Variants in PLXDC2 observed in about 807,000 individuals in gnomAD.
PLXDC2 encodes the protein plexin domain-containing protein 2.
A neutral mutation model predicts 68.9 loss-of-function variants in PLXDC2; 40 were observed. The observed-to-expected ratio is 0.58, with a 90% confidence interval of 0.45 to 0.76. The LOEUF (loss-of-function observed/expected upper bound fraction) is 0.76. Among genes scored for constraint, PLXDC2 ranks in the 30% least tolerant of loss-of-function variants. The pLI is 0.00. For synonymous variants in PLXDC2, 243 were observed against 234.2 expected (o/e 1.04, Z -0.34); for missense variants, 644 against 661.9 (o/e 0.97, Z 0.30).
At chr10:19,982,551 A>G (rs1834569100) in intron 1 of PLXDC2, among the ~76,000 whole-genome samples, 1 of 152,302 alleles carries the variant, frequency 6.6e-6, no homozygotes, top group Admixed American at 6.5e-5. Context: ...TAATTAACAT[A>G]TATGTTTTTA....
At chr10:19,858,704 T>C (rs1395871563) in intron 1 of PLXDC2, among the ~76,000 whole-genome samples, 3 of 151,902 alleles carry the variant, frequency 2.0e-5, no homozygotes, top group African/African-American at 2.4e-5. Context: ...GGATAGTGAG[T>C]ATTTGCATTG....
In PLXDC2 at chr10:19,987,862, C is replaced by G. The variant is rs1834675407; in HGVS notation, c.113-13913C>G. Among the ~76,000 whole-genome samples, 5 of 152,244 alleles carry G rather than the reference C, an allele frequency of 3.3e-5. No individual in the cohort carries two copies. In the South Asian group the frequency reaches 1.0e-3, roughly 32 times the overall value. ...GGATTACAGGCGTGAGCTACCGCGC[C>G]CAGCCGATGTTATTTGTTTTTATTT... On this transcript the variant is annotated intron_variant, in intron 1 of 13. Coordinates refer to ENST00000377252, the MANE Select transcript of PLXDC2 (RefSeq NM_032812.9).
At chr10:20,056,900 C>G (rs916718605) in intron 3 of PLXDC2, among the ~76,000 whole-genome samples, 5 of 152,086 alleles carry the variant, frequency 3.3e-5, no homozygotes, top group African/African-American at 1.2e-4. Context: ...ACGAGTGAGG[C>G]AAACATTTTA....
In PLXDC2 at chr10:19,870,219, G is replaced by A. The variant is rs115979908; in HGVS notation, c.112+53028G>A. Among the ~76,000 whole-genome samples, 1,425 of 152,258 alleles carry A rather than the reference G, an allele frequency of 9.4e-3. 31 individuals carry two copies. Among genetic ancestry groups the A allele is most frequent in the African/African-American group, 0.032 (1,327 of 41,556 alleles). ...AAATTAAGTAAAGATAGACAGGGAG[G>A]AGGAGAAATGCACATCAAAGGGAAA... On this transcript the variant is annotated intron_variant, in intron 1 of 13. Transcript: ENST00000377252.
At chr10:20,104,638 T>C (rs763003189) in intron 4 of PLXDC2, among the ~76,000 whole-genome samples, 1 of 152,208 alleles carries the variant, frequency 6.6e-6, no homozygotes, top group Admixed American at 6.5e-5. Flanking sequence ...TATATAAATA[T>C]TGTTGGCACG....
intron 10 of PLXDC2, among the ~76,000 whole-genome samples, chr10:20,212,104 G>A (rs993062026): frequency 6.6e-6 from 1 of 151,890 alleles, no homozygotes; most frequent in Non-Finnish European, 1.5e-5. Context: ...TGTGGGGAGG[G>A]GTGAAGTGTG....
intron 9 of PLXDC2, among the ~76,000 whole-genome samples, chr10:20,196,591 C>G (rs896251697): frequency 6.6e-6 from 1 of 152,094 alleles, no homozygotes; most frequent in South Asian, 2.1e-4. Context: ...GTAGATACCA[C>G]CCAGTAATCT....
chr10:20,233,092 A>G (rs1486510828), intron 12 of PLXDC2, among the ~76,000 whole-genome samples: 1 of 152,156 alleles, frequency 6.6e-6, no homozygotes, highest in African/African-American at 2.4e-5. Context: ...ATTTCTGATC[A>G]TGTGATTCAT....
At chr10:20,173,120 G>A (rs1834470983) in intron 7 of PLXDC2, among the ~76,000 whole-genome samples, 1 of 152,110 alleles carries the variant, frequency 6.6e-6, no homozygotes, top group South Asian at 2.1e-4. Context: ...TCTTCATGCT[G>A]GAAATGAATC....
chr10:20,217,160 C>T lies in PLXDC2; in HGVS notation c.1123-266C>T, dbSNP rs149162472. On this transcript the variant is annotated intron_variant, in intron 10 of 13. Coordinates refer to ENST00000377252, the MANE Select transcript of PLXDC2 (RefSeq NM_032812.9). ...AATGTAAAATTTAGGGCAAGGTAAA[C>T]AGTAATATGAAAGCTTAACAGCAGT... Among the ~76,000 whole-genome samples, 580 of 152,154 alleles carry T rather than the reference C, an allele frequency of 3.8e-3. 3 individuals are homozygous for T. Among genetic ancestry groups the T allele is most frequent in the African/African-American group, 0.013 (527 of 41,510 alleles).
At position 20,281,241 on chromosome 10, in the gene PLXDC2, A is replaced by G. The variant is rs540822284; in HGVS notation, c.*1422A>G. ...TGGAATCACAATCCTGATTTTGAAA[A>G]TTCCTCATGAATGAAGAAAGGAATG... On this transcript the variant is annotated 3_prime_UTR_variant, in exon 14 of 14. Transcript: ENST00000377252. 6 of 152,238 alleles carry G rather than the reference A, an allele frequency of 3.9e-5. No individual in the cohort carries two copies. Among genetic ancestry groups the G allele is most frequent in the African/African-American group, 1.4e-4 (6 of 41,556 alleles). 9.4% of individuals were successfully genotyped at this position (152,238 alleles called of 1,614,324 possible). A position where few individuals can be genotyped will look rare whatever the true frequency, so the allele number is the denominator to read the frequency against.
intron 4 of PLXDC2, among the ~76,000 whole-genome samples, chr10:20,093,810 A>G (rs1175479319): frequency 6.6e-6 from 1 of 152,068 alleles, no homozygotes; most frequent in Non-Finnish European, 1.5e-5. Flanking sequence ...AGTAGCTGGG[A>G]CCAAAGGTTA....
At chr10:19,827,601 C>G (rs1409961593) in intron 1 of PLXDC2, among the ~76,000 whole-genome samples, 1 of 151,716 alleles carries the variant, frequency 6.6e-6, no homozygotes, top group Non-Finnish European at 1.5e-5. Flanking sequence ...CACTTTGTTG[C>G]CCAGGCTGGA....
chr10:20,222,534 G>C (rs899148376), intron 12 of PLXDC2, among the ~76,000 whole-genome samples: 3 of 152,212 alleles, frequency 2.0e-5, no homozygotes, highest in Non-Finnish European at 2.9e-5. Context: ...AGTTTTATTA[G>C]TCTTCAGGGT....
intron 3 of PLXDC2, among the ~76,000 whole-genome samples, chr10:20,056,312 A>C (rs550756339): frequency 6.6e-6 from 1 of 152,314 alleles, no homozygotes; most frequent in Admixed American, 6.5e-5. Context: ...TCATTGCACA[A>C]AATTAACATG....
chr10:20,090,435 G>A (rs1434873099), intron 4 of PLXDC2, among the ~76,000 whole-genome samples: 1 of 149,402 alleles, frequency 6.7e-6, no homozygotes, highest in Non-Finnish European at 1.5e-5. Context: ...TGGAGGGGAA[G>A]ATATGCAGGG....
intron 1 of PLXDC2, among the ~76,000 whole-genome samples, chr10:19,827,042 G>C (rs1392684894): frequency 1.3e-5 from 2 of 152,202 alleles, no homozygotes; most frequent in East Asian, 3.8e-4. Context: ...TAGTGCTCTT[G>C]TGAATGTGAG....
At chr10:20,003,003 G>A (rs1834968513) in intron 2 of PLXDC2, among the ~76,000 whole-genome samples, 1 of 152,114 alleles carries the variant, frequency 6.6e-6, no homozygotes, top group African/African-American at 2.4e-5. Context: ...ATTATGGTTG[G>A]AGCTATGAAG....
At chr10:20,125,159 C>A (rs1833755539) in intron 4 of PLXDC2, among the ~76,000 whole-genome samples, 1 of 152,100 alleles carries the variant, frequency 6.6e-6, no homozygotes. Context: ...CCCCTACCCA[C>A]ACACCTGTTT....
Sources: gnomAD v4.1 joint callset for allele counts (sites outside exome capture counted in the v4.1 genomes callset) on GRCh38, gnomAD v4.1.1 for gene constraint, MANE v1.5 for transcripts, NCBI Gene and HGNC (gene_info 2026-07-23, HGNC 2026-07-21) for gene names.